Variants in ACTR10 observed in about 807,000 individuals in gnomAD.
ACTR10 encodes the protein actin-related protein 10.
In ACTR10, 43 loss-of-function variants were observed where a neutral mutation model predicts 56.2. That is an observed-to-expected ratio of 0.77 (90% CI 0.60 to 0.99). The LOEUF (loss-of-function observed/expected upper bound fraction) is 0.99, where lower values mean the gene tolerates loss of function less well. Among genes scored for constraint, ACTR10 ranks in the 50% least tolerant of loss-of-function variants. ACTR10 has a pLI of 0.00. For missense variants in ACTR10, 466 were observed against 507.8 expected (o/e 0.92, Z 0.79); for synonymous variants, 170 against 176.3 (o/e 0.96, Z 0.28).
intron 8 of ACTR10, among the ~76,000 whole-genome samples, chr14:58,222,180 G>T (rs1016647768): frequency 6.6e-6 from 1 of 151,702 alleles, no homozygotes; most frequent in Non-Finnish European, 1.5e-5. Context: ...CATAATATAT[G>T]GCTAACATGC....
intron 4 of ACTR10, 42 bp from the exon 5 acceptor site, chr14:58,211,250 C>G: frequency 8.2e-5 from 108 of 1,309,580 alleles, no homozygotes; most frequent in Non-Finnish European, 9.8e-5. Flanking sequence ...CAAATAATGA[C>G]ACTCATTCCG....
Position 58,213,666 on chromosome 14 carries a change from A to G in ACTR10, c.486A>G (p.Gly162=), listed in dbSNP as rs753755584. 19 of 1,612,562 alleles carry G rather than the reference A, an allele frequency of 1.2e-5. No homozygotes were observed. Among genetic ancestry groups the G allele is most frequent in the Middle Eastern group, 3.3e-4 (2 of 6,052 alleles). ...GAATCCCAGTTCTAAATTGTTGGGG[A>G]GCACTACCCCTAGGAGGAAAAGCTC... ...YEGIPVLNCW[G]ALPLGGKALH... Residue 162 remains glycine, a synonymous_variant, in exon 6 of 13, where the codon GGA becomes GGG. Transcript: ENST00000254286.
intron 4 of ACTR10, chr14:58,210,956 T>G: frequency 5.2e-6 from 1 of 191,942 alleles, no homozygotes; most frequent in East Asian, 1.6e-4. Flanking sequence ...ATTACAGGCG[T>G]GAGCCTCTGT....
At chr14:58,206,461 G>C (rs559102632) in intron 2 of ACTR10, among the ~76,000 whole-genome samples, 7 of 152,132 alleles carry the variant, frequency 4.6e-5, no homozygotes, top group Non-Finnish European at 1.0e-4. Flanking sequence ...GGGATTACAG[G>C]CATGAGCCAC....
At chr14:58,217,650 A>G (rs1487046551) in intron 7 of ACTR10, among the ~76,000 whole-genome samples, 2 of 151,110 alleles carry the variant, frequency 1.3e-5, no homozygotes, top group Non-Finnish European at 2.9e-5. Context: ...TGGGTGACAG[A>G]GGGAGACTCC....
chr14:58,210,955 G>C, intron 4 of ACTR10: 1 of 190,108 alleles, frequency 5.3e-6, no homozygotes, highest in East Asian at 1.6e-4. Context: ...GATTACAGGC[G>C]TGAGCCTCTG....
In ACTR10 at chr14:58,224,063, C is replaced by T. The variant is rs189206219; in HGVS notation, c.788+207C>T. Among the ~76,000 whole-genome samples, 27 of 152,012 alleles carry T rather than the reference C, an allele frequency of 1.8e-4. No individual in the cohort carries two copies. The East Asian group carries it at 2.5e-3, about 14-fold the overall frequency. On this transcript the variant is annotated intron_variant, in intron 10 of 12. Coordinates refer to ENST00000254286, the MANE Select transcript of ACTR10 (RefSeq NM_018477.3). ...TTGCCCAGGCTGGAGTGCAGTGGCA[C>T]GATCTCGGCTCACTGTAACCTTCAT...
chr14:58,217,220 A>T (rs780041641), intron 7 of ACTR10, among the ~76,000 whole-genome samples: 35 of 152,328 alleles, frequency 2.3e-4, no homozygotes, highest in Middle Eastern at 3.4e-3. Context: ...TAAACGATAC[A>T]TTCTTGGATA....
At chr14:58,214,069 T>C (rs1031691991) in intron 6 of ACTR10, among the ~76,000 whole-genome samples, 1 of 152,214 alleles carries the variant, frequency 6.6e-6, no homozygotes, top group African/African-American at 2.4e-5. Flanking sequence ...TAAGTTATTA[T>C]TGTCTACAGT....
rs1888906241 is a variant in ACTR10, at chr14:58,207,961, T to C, written c.176T>C (p.Ile59Thr). The C allele has an allele frequency of 1.3e-6, 2 of 1,507,596 alleles. No homozygotes were observed. Among genetic ancestry groups the C allele is most frequent in the Non-Finnish European group, 8.8e-7 (1 of 1,134,746 alleles). 93.4% of individuals were successfully genotyped at this position (1,507,596 alleles called of 1,614,324 possible). ...CCTGTCAGAGTTGTTCAGTATAATA[T>C]CAATACAGAAGAATTATATTCCTAC... is the stretch of plus-strand genomic sequence containing the variant. ...PKPVRVVQYNINTEELYSYLK... is the reference protein window; with the variant it reads ...PKPVRVVQYNTNTEELYSYLK... The change falls in exon 3 of 13, where the codon ATC becomes ACC. Residue 59 changes from isoleucine (I) to threonine (T), a missense_variant. Ile to Thr is a moderately conservative substitution (Grantham distance 89, BLOSUM62 -1). Transcript: ENST00000254286.
At chr14:58,233,009 T>C (rs2140066775) in intron 12 of ACTR10, among the ~76,000 whole-genome samples, 1 of 152,090 alleles carries the variant, frequency 6.6e-6, no homozygotes, top group East Asian at 1.9e-4. Context: ...TAGCTGGGAT[T>C]ATAGGCGCCC....
At chr14:58,223,747 A>C in intron 9 of ACTR10, 36 bp from the exon 10 acceptor site, 1 of 1,608,176 alleles carries the variant, frequency 6.2e-7, no homozygotes, top group Non-Finnish European at 8.5e-7. Context: ...AGGTTACAAC[A>C]TGTGTGGACT....
At chr14:58,223,168 C>T (rs1355473847) in intron 8 of ACTR10, among the ~76,000 whole-genome samples, 1 of 151,896 alleles carries the variant, frequency 6.6e-6, no homozygotes, top group Non-Finnish European at 1.5e-5. Context: ...TGGAGTTTCA[C>T]TTTTGTTGCC....
Position 58,202,877 on chromosome 14 carries a change from G to C in ACTR10, c.100G>C (p.Gly34Arg). The C allele has an allele frequency of 6.2e-7, 1 of 1,607,320 alleles. No homozygotes were observed. Among genetic ancestry groups the C allele is most frequent in the Non-Finnish European group, 8.5e-7 (1 of 1,176,708 alleles). Residue 34 changes from glycine (G) to arginine (R), a missense_variant, in exon 2 of 13, where the codon GGT (glycine) becomes CGT (arginine). Physicochemically the swap from Gly to Arg is moderately radical, Grantham distance 125. Transcript: ENST00000254286. ...FTKCGFAGET[G>R]PRCIIPSVIK... ...CAGGTGTGGATTTGCTGGAGAAACTGGTCCAAGATGTATAATTCCTAGTGT... is the reference window on the plus strand; with the variant it reads ...CAGGTGTGGATTTGCTGGAGAAACTCGTCCAAGATGTATAATTCCTAGTGT...
At chr14:58,234,317 G>C in intron 12 of ACTR10, 53 bp from the exon 13 acceptor site, 1 of 1,487,904 alleles carries the variant, frequency 6.7e-7, no homozygotes, top group South Asian at 1.4e-5. Context: ...TGTACATAAA[G>C]TTTTCTGGTA....
At chr14:58,207,487 G>A (rs1324917300) in intron 2 of ACTR10, among the ~76,000 whole-genome samples, 2 of 151,726 alleles carry the variant, frequency 1.3e-5, no homozygotes, top group Non-Finnish European at 2.9e-5. Flanking sequence ...ACCACGCCTG[G>A]CTAATTTTTG....
intron 2 of ACTR10, among the ~76,000 whole-genome samples, chr14:58,203,772 C>G (rs1173778681): frequency 6.6e-6 from 1 of 152,030 alleles, no homozygotes; most frequent in Non-Finnish European, 1.5e-5. Context: ...GCTAATTTGG[C>G]AGATTAGAAA....
At chr14:58,212,671 CTCT>C (rs1326525446) in intron 5 of ACTR10, among the ~76,000 whole-genome samples, 9 of 152,102 alleles carry the variant, frequency 5.9e-5, no homozygotes, top group South Asian at 2.1e-4. Flanking sequence ...TAGTTGACTC[CTCT>C]TCTTATAAAC....
chr14:58,231,555 G>C (rs547676673), intron 11 of ACTR10, among the ~76,000 whole-genome samples: 1 of 152,104 alleles, frequency 6.6e-6, no homozygotes, highest in Admixed American at 6.6e-5. Context: ...TACCTCTAGG[G>C]CTCCATTCAT....
Sources: gnomAD v4.1 joint callset for allele counts (sites outside exome capture counted in the v4.1 genomes callset) on GRCh38, gnomAD v4.1.1 for gene constraint, MANE v1.5 for transcripts, NCBI Gene and HGNC (gene_info 2026-07-23, HGNC 2026-07-21) for gene names.